The following CNTNAP2 variants were observed in gnomAD, a reference collection of about 807,000 sequenced individuals.
CNTNAP2 encodes contactin associated protein 2, also known as contactin-associated protein-like 2.
CNTNAP2 carries 98 observed loss-of-function variants against 155.2 expected under a neutral mutation model. The ratio of observed to expected loss-of-function variants is 0.63; its 90% confidence interval spans 0.54 to 0.75. The LOEUF is 0.75. CNTNAP2 is among the 30% of genes least tolerant of loss of function. The probability of loss-of-function intolerance (pLI) is 0.00; values close to 1 mark genes in which losing one functional copy is unlikely to be tolerated. For synonymous variants in CNTNAP2, 651 were observed against 631.2 expected, an observed-to-expected ratio of 1.03 and a Z score of -0.47; for missense variants, 1,727 against 1,688.1, an observed-to-expected ratio of 1.02 and a Z score of -0.40.
chr7:146,418,696 T>A (rs925224239), intron 1 of CNTNAP2, among the ~76,000 whole-genome samples: 5 of 152,156 alleles, frequency 3.3e-5, no homozygotes, highest in Non-Finnish European at 7.4e-5. Flanking sequence ...ACCAATGTTA[T>A]ATAAAATACT....
In CNTNAP2 at chr7:146,792,674, C is replaced by T. The variant is rs376449560; in HGVS notation, c.208+18293C>T. Reference sequence around the variant, plus strand: ...AACATCTGAAAAGTTGACAAGGGAACGTTTTAGAGACTCTGAGATGGTGAC... The same window carrying T: ...AACATCTGAAAAGTTGACAAGGGAATGTTTTAGAGACTCTGAGATGGTGAC... On this transcript the variant is annotated intron_variant, in intron 2 of 23. Coordinates refer to ENST00000361727, the MANE Select transcript of CNTNAP2 (RefSeq NM_014141.6). Among the ~76,000 whole-genome samples the T allele has an allele frequency of 3.8e-3, 571 of 152,260 alleles. 5 individuals carry two copies. Among genetic ancestry groups the T allele is most frequent in the South Asian group, 9.3e-3 (45 of 4,824 alleles).
intron 8 of CNTNAP2, among the ~76,000 whole-genome samples, chr7:147,202,460 T>TA (rs201506546): frequency 1.3e-5 from 2 of 151,948 alleles, no homozygotes; most frequent in African/African-American, 4.8e-5. Flanking sequence ...CAAAATAAAA[T>TA]AAAAAAACAT....
chr7:147,916,934 G>A (rs898933215), intron 14 of CNTNAP2, among the ~76,000 whole-genome samples: 1 of 152,140 alleles, frequency 6.6e-6, no homozygotes, highest in Non-Finnish European at 1.5e-5. Flanking sequence ...TTTCCCACGT[G>A]TAAAACCCCA....
chr7:147,975,328 G>T (rs1435913067), intron 14 of CNTNAP2, among the ~76,000 whole-genome samples: 3 of 151,936 alleles, frequency 2.0e-5, no homozygotes, highest in Non-Finnish European at 4.4e-5. Flanking sequence ...GGCATGGGGG[G>T]TGCTTCTAGG....
In CNTNAP2 at chr7:146,117,239, G is replaced by A. The variant is rs1423264833; in HGVS notation, c.97+266G>A. ...CGGTTGGCAAGAGCTTGGCTAGAGA[G>A]ACTGATGTAGATGGCAGCTTCTTAG... On this transcript the variant is annotated intron_variant, in intron 1 of 23. Coordinates refer to ENST00000361727, the MANE Select transcript of CNTNAP2 (RefSeq NM_014141.6). 9 of 499,868 alleles carry A rather than the reference G, an allele frequency of 1.8e-5. No homozygotes were observed. In the South Asian group the frequency reaches 2.4e-4, roughly 13 times the overall value. The allele number at this position is 499,868 out of a possible 1,614,324, so 31.0% of individuals were successfully genotyped here.
intron 3 of CNTNAP2, among the ~76,000 whole-genome samples, chr7:147,035,847 C>T (rs1463110711): frequency 7.1e-6 from 1 of 140,212 alleles, no homozygotes; most frequent in Non-Finnish European, 1.6e-5. Flanking sequence ...ACACTTCAAA[C>T]CCCATAATAG....
At chr7:147,519,754 A>G (rs1166766527) in intron 11 of CNTNAP2, among the ~76,000 whole-genome samples, 1 of 152,188 alleles carries the variant, frequency 6.6e-6, no homozygotes, top group Non-Finnish European at 1.5e-5. Context: ...CATCCCAGCT[A>G]CTGGGGAGGA....
At chr7:146,279,635 A>G (rs1176871570) in intron 1 of CNTNAP2, among the ~76,000 whole-genome samples, 1 of 152,108 alleles carries the variant, frequency 6.6e-6, no homozygotes. Context: ...GAATTTCCAC[A>G]TGAATAAGAC....
At chr7:147,994,892 G>T (rs531968994) in intron 15 of CNTNAP2, among the ~76,000 whole-genome samples, 3 of 152,152 alleles carry the variant, frequency 2.0e-5, no homozygotes, top group Admixed American at 6.5e-5. Context: ...CTTGGAACTC[G>T]TTCCTCTCAG....
intron 1 of CNTNAP2, among the ~76,000 whole-genome samples, chr7:146,271,324 A>G (rs1244895614): frequency 6.6e-6 from 1 of 151,972 alleles, no homozygotes; most frequent in Non-Finnish European, 1.5e-5. Flanking sequence ...GGTTTTATGT[A>G]TTTTGTACAG....
At chr7:148,182,063 G>A (rs1795048128) in intron 18 of CNTNAP2, among the ~76,000 whole-genome samples, 1 of 151,964 alleles carries the variant, frequency 6.6e-6, no homozygotes, top group Non-Finnish European at 1.5e-5. Flanking sequence ...GGCCAAGTGT[G>A]TGCCCTTTTC....
At chr7:146,721,999 C>T (rs1279252874) in intron 1 of CNTNAP2, among the ~76,000 whole-genome samples, 1 of 148,836 alleles carries the variant, frequency 6.7e-6, no homozygotes, top group African/African-American at 2.5e-5. Flanking sequence ...AGCAATTCTC[C>T]TGTCTCAGCC....
At chr7:146,604,374 A>T (rs1344114471) in intron 1 of CNTNAP2, among the ~76,000 whole-genome samples, 3 of 137,406 alleles carry the variant, frequency 2.2e-5, no homozygotes, top group African/African-American at 8.6e-5. Context: ...CCACTATGAG[A>T]TACCATCTCA....
intron 13 of CNTNAP2, among the ~76,000 whole-genome samples, chr7:147,802,926 G>A (rs959290778): frequency 1.9e-4 from 29 of 151,734 alleles, no homozygotes; most frequent in African/African-American, 5.8e-4. Context: ...AAATAACTTC[G>A]GAAACAGCAA....
intron 13 of CNTNAP2, among the ~76,000 whole-genome samples, chr7:147,873,772 G>A (rs548485978): frequency 9.9e-5 from 15 of 152,188 alleles, no homozygotes; most frequent in African/African-American, 7.2e-5. Flanking sequence ...AATCTCATCC[G>A]AGACAAGGCA....
intron 14 of CNTNAP2, among the ~76,000 whole-genome samples, chr7:147,930,784 C>T (rs766520232): frequency 1.8e-4 from 28 of 152,126 alleles, no homozygotes; most frequent in African/African-American, 2.7e-4. Flanking sequence ...CAGGATAGAT[C>T]TCATGTTACG....
chr7:147,665,008 C>T (rs1013667749), intron 13 of CNTNAP2, among the ~76,000 whole-genome samples: 1 of 152,166 alleles, frequency 6.6e-6, no homozygotes, highest in Non-Finnish European at 1.5e-5. Context: ...ATAATATTTA[C>T]AGAGGTATGT....
intron 18 of CNTNAP2, among the ~76,000 whole-genome samples, chr7:148,204,526 C>A (rs2116735575): frequency 6.6e-6 from 1 of 152,294 alleles, no homozygotes; most frequent in Non-Finnish European, 1.5e-5. Flanking sequence ...AAATATAAAT[C>A]ATTCTATTGT....
chr7:147,597,419 A>T (rs1177890189), intron 12 of CNTNAP2, among the ~76,000 whole-genome samples: 1 of 152,100 alleles, frequency 6.6e-6, no homozygotes, highest in Non-Finnish European at 1.5e-5. Context: ...CCCTAAGGAG[A>T]TCCTTCCTGT....
Sources: allele counts gnomAD v4.1 joint callset (sites outside exome capture counted in the v4.1 genomes callset), GRCh38; gene constraint gnomAD v4.1.1; transcripts MANE v1.5; gene names NCBI Gene and HGNC (gene_info 2026-07-23, HGNC 2026-07-21).